The following STAP1 variants were observed in gnomAD, a reference collection of about 807,000 sequenced individuals.
The protein encoded by STAP1 is signal transducing adaptor family member 1.
STAP1 carries 30 observed loss-of-function variants against 37.8 expected under a neutral mutation model. The ratio of observed to expected loss-of-function variants is 0.79; its 90% CI spans 0.59 to 1.08. The LOEUF is 1.08. STAP1 is among the 50% of genes least tolerant of loss of function. STAP1 has a pLI of 0.00. For synonymous variants in STAP1, 130 were observed against 116.0 expected, an observed-to-expected ratio of 1.12 and a Z score of -0.78; for missense variants, 357 against 349.4, an observed-to-expected ratio of 1.02 and a Z score of -0.17.
chr4:67,594,410 C>A (rs1381651954), intron 8 of STAP1, among the ~76,000 whole-genome samples: 1 of 152,166 alleles, frequency 6.6e-6, no homozygotes, highest in Non-Finnish European at 1.5e-5. Flanking sequence ...GTTTAGAACT[C>A]ACCTGCACAT....
At chr4:67,603,059 G>A (rs1234799782) in intron 8 of STAP1, among the ~76,000 whole-genome samples, 3 of 152,104 alleles carry the variant, frequency 2.0e-5, no homozygotes, top group Non-Finnish European at 4.4e-5. Flanking sequence ...CAATCTATTT[G>A]GTGCTCTATT....
intron 8 of STAP1, among the ~76,000 whole-genome samples, chr4:67,602,279 A>G (rs1339475210): frequency 1.3e-5 from 2 of 149,142 alleles, no homozygotes; most frequent in Non-Finnish European, 3.0e-5. Flanking sequence ...TGAGCTTCCT[A>G]GAAATGGCTA....
chr4:67,589,111 A>C (rs1728066747), intron 6 of STAP1, among the ~76,000 whole-genome samples: 4 of 152,208 alleles, frequency 2.6e-5, no homozygotes, highest in African/African-American at 9.7e-5. Context: ...GCAATCCCTT[A>C]TTTAATAGGA....
At chr4:67,600,038 T>G (rs1255565630) in intron 8 of STAP1, among the ~76,000 whole-genome samples, 1 of 152,236 alleles carries the variant, frequency 6.6e-6, no homozygotes, top group Non-Finnish European at 1.5e-5. Context: ...TTTCTTCTAC[T>G]AATTTTGGGT....
intron 8 of STAP1, among the ~76,000 whole-genome samples, chr4:67,600,046 G>T (rs749782180): frequency 6.6e-6 from 1 of 151,776 alleles, no homozygotes; most frequent in Non-Finnish European, 1.5e-5. Context: ...ACTAATTTTG[G>T]GTTTGGTTTG....
At position 67,581,383 on chromosome 4, in the gene STAP1, A is replaced by C; in HGVS notation, c.442A>C (p.Arg148=). The change falls in exon 5 of 9, where the codon AGG becomes CGG. Residue 148 remains arginine, a synonymous_variant. Coordinates refer to ENST00000265404, the MANE Select transcript of STAP1 (RefSeq NM_012108.4). ...LHEVLEREKK[R]RIETEQSTSV... ...TGAAGTCCTAGAGAGAGAAAAGAAA[A>C]GGAGGATTGAGACAGAGCAGAGTAC... 1.2e-6 allele frequency: 2 copies of C among 1,614,102 alleles called. No individual in the cohort carries two copies. Among genetic ancestry groups the C allele is most frequent in the East Asian group, 2.2e-5 (1 of 44,884 alleles).
chr4:67,586,729 A>G (rs560317809), intron 6 of STAP1, among the ~76,000 whole-genome samples: 4 of 152,346 alleles, frequency 2.6e-5, no homozygotes, highest in African/African-American at 9.6e-5. Flanking sequence ...TCAAAGTTGC[A>G]TAATTCTAAA....
At chr4:67,576,874 T>C (rs546456537) in intron 3 of STAP1, among the ~76,000 whole-genome samples, 5 of 152,356 alleles carry the variant, frequency 3.3e-5, no homozygotes, top group African/African-American at 1.2e-4. Flanking sequence ...AATTTGGTTG[T>C]CCTGAATTTA....
At chr4:67,570,335 C>T (rs1400591714) in intron 1 of STAP1, among the ~76,000 whole-genome samples, 2 of 152,150 alleles carry the variant, frequency 1.3e-5, no homozygotes, top group Admixed American at 1.3e-4. Flanking sequence ...TCACCACAAA[C>T]ACCTGAGTCA....
At position 67,606,512 on chromosome 4, in the gene STAP1, TTTCA is replaced by T; in HGVS notation, c.*158_*161del. The stretch of plus-strand genomic sequence containing the variant: ...TAGAATTAAACATTGTACCATACAA[TTTCA>T]TTATCTTATCAGAATGAAACCAATT... On this transcript the variant is annotated 3_prime_UTR_variant, in exon 9 of 9. Coordinates refer to ENST00000265404, the MANE Select transcript of STAP1 (RefSeq NM_012108.4). The T allele has an allele frequency of 1.6e-6, 1 of 636,824 alleles. No homozygotes were observed. Among genetic ancestry groups the T allele is most frequent in the Non-Finnish European group, 2.6e-6 (1 of 388,622 alleles). The allele number at this position is 636,824 out of a possible 1,614,324, so 39.4% of individuals were successfully genotyped here. A position where few individuals can be genotyped will look rare whatever the true frequency, so the allele number is the denominator to read the frequency against.
chr4:67,570,605 T>C (rs1457081516), intron 1 of STAP1, among the ~76,000 whole-genome samples: 1 of 151,084 alleles, frequency 6.6e-6, no homozygotes, highest in South Asian at 2.1e-4. Flanking sequence ...AAGGCTGCAG[T>C]GAGCCATGAT....
At chr4:67,571,013 A>G in intron 1 of STAP1, 71 bp from the exon 2 acceptor site, 1 of 1,246,122 alleles carries the variant, frequency 8.0e-7, no homozygotes, top group Non-Finnish European at 1.2e-6. Context: ...GAAAGTTACA[A>G]AGGATAATAT....
chr4:67,587,905 G>T (rs576314897), intron 6 of STAP1, among the ~76,000 whole-genome samples: 5 of 150,928 alleles, frequency 3.3e-5, no homozygotes, highest in Non-Finnish European at 7.4e-5. Flanking sequence ...TGTAGTTTTA[G>T]TACAGACGGG....
At chr4:67,560,739 C>T (rs1359647828) in intron 1 of STAP1, among the ~76,000 whole-genome samples, 1 of 151,918 alleles carries the variant, frequency 6.6e-6, no homozygotes, top group East Asian at 1.9e-4. Flanking sequence ...GCAGCCTTGA[C>T]ATCCCCGGCT....
intron 4 of STAP1, among the ~76,000 whole-genome samples, chr4:67,577,651 C>CTTTCTT (rs144082927): frequency 7.2e-4 from 66 of 91,562 alleles, no homozygotes; most frequent in African/African-American, 1.5e-3. Flanking sequence ...TTCTTTCTTT[C>CTTTCTT]TTTTTTTTTT....
chr4:67,562,601 T>TAAAAAA (rs34000253), intron 1 of STAP1, among the ~76,000 whole-genome samples: 3 of 117,264 alleles, frequency 2.6e-5, no homozygotes, highest in Admixed American at 1.9e-4. Flanking sequence ...CTGTCTCTAC[T>TAAAAAA]AAAAAAAAAA....
chr4:67,584,829 G>C (rs1348940053), intron 6 of STAP1, among the ~76,000 whole-genome samples: 2 of 152,136 alleles, frequency 1.3e-5, no homozygotes, highest in East Asian at 3.8e-4. Context: ...TCATTGTAGG[G>C]ACAAGGGTTT....
chr4:67,567,713 T>G (rs1272132278), intron 1 of STAP1, among the ~76,000 whole-genome samples: 1 of 152,208 alleles, frequency 6.6e-6, no homozygotes, highest in Non-Finnish European at 1.5e-5. Context: ...TTCCTGGTAA[T>G]CCTTCTGCCA....
intron 6 of STAP1, among the ~76,000 whole-genome samples, chr4:67,590,195 C>T (rs940305612): frequency 6.6e-6 from 1 of 152,134 alleles, no homozygotes; most frequent in African/African-American, 2.4e-5. Context: ...GCCTCTTGTT[C>T]ATAAGCAGTT....
Sources: allele counts gnomAD v4.1 joint callset (sites outside exome capture counted in the v4.1 genomes callset), GRCh38; gene constraint gnomAD v4.1.1; transcripts MANE v1.5; gene names NCBI Gene and HGNC (gene_info 2026-07-23, HGNC 2026-07-21).